Variants in PLXNC1 observed in about 807,000 individuals in gnomAD.
PLXNC1 encodes plexin C1, also known as plexin-C1.
Under a neutral mutation model 178.2 loss-of-function variants are expected in PLXNC1, and 75 were observed. The ratio of observed to expected loss-of-function variants is 0.42; its 90% CI spans 0.35 to 0.51. The LOEUF (loss-of-function observed/expected upper bound fraction) is 0.51, where lower values mean the gene tolerates loss of function less well. Ranked by LOEUF, PLXNC1 falls within the 20% of genes least tolerant of loss-of-function variation. PLXNC1 has a pLI of 0.02. For missense variants in PLXNC1, 1,503 were observed against 1,984.4 expected, an observed-to-expected ratio of 0.76 and a Z score of 4.61; for synonymous variants, 790 against 779.9, an observed-to-expected ratio of 1.01 and a Z score of -0.22.
chr12:94,178,868 A>G (rs750646200), intron 2 of PLXNC1, among the ~76,000 whole-genome samples: 11 of 151,892 alleles, frequency 7.2e-5, no homozygotes, highest in Non-Finnish European at 1.2e-4. Context: ...CACCTTTCCC[A>G]CCTCCCTTAG....
Position 94,288,464 on chromosome 12 carries a change from G to A in PLXNC1, c.3880-6022G>A, listed in dbSNP as rs185223900. ...TCAGGGCTATCACTAATAGGCCGCAGAAGGAGCTGGCTAGTGGCCTGGAGG... is the reference window on the plus strand; with the variant it reads ...TCAGGGCTATCACTAATAGGCCGCAAAAGGAGCTGGCTAGTGGCCTGGAGG... On this transcript the variant is annotated intron_variant, in intron 23 of 30. Coordinates refer to ENST00000258526, the MANE Select transcript of PLXNC1 (RefSeq NM_005761.3). Among the ~76,000 whole-genome samples, 426 of 152,298 alleles carry A rather than the reference G, an allele frequency of 2.8e-3. 3 individuals are homozygous for A. The highest frequency in any genetic ancestry group is 9.8e-3 in the African/African-American group (407 of 41,542).
intron 27 of PLXNC1, among the ~76,000 whole-genome samples, chr12:94,300,623 T>C (rs979517687): frequency 1.3e-5 from 2 of 152,154 alleles, no homozygotes; most frequent in Non-Finnish European, 2.9e-5. Flanking sequence ...AGATGGGAAA[T>C]AATCCAGGTG....
chr12:94,159,798 G>A (rs963486131), intron 1 of PLXNC1, among the ~76,000 whole-genome samples: 2 of 152,192 alleles, frequency 1.3e-5, no homozygotes, highest in South Asian at 2.1e-4. Flanking sequence ...CCTGCAGGAG[G>A]CTCTTGCAGT....
chr12:94,303,144 C>T (rs1033595927), intron 28 of PLXNC1, among the ~76,000 whole-genome samples: 12 of 152,080 alleles, frequency 7.9e-5, no homozygotes, highest in East Asian at 5.8e-4. Context: ...GTTATAATTA[C>T]GTAGAATCAT....
intron 1 of PLXNC1, among the ~76,000 whole-genome samples, chr12:94,165,470 C>T (rs537706827): frequency 4.6e-5 from 7 of 152,270 alleles, no homozygotes; most frequent in East Asian, 1.9e-4. Context: ...CTTCCAGGCT[C>T]GCTGTTGTAA....
intron 4 of PLXNC1, among the ~76,000 whole-genome samples, chr12:94,186,927 C>T (rs1592745540): frequency 6.6e-6 from 1 of 152,230 alleles, no homozygotes; most frequent in Admixed American, 6.5e-5. Context: ...CCTAATGCGC[C>T]GCGCAGCTGT....
At chr12:94,153,756 A>G (rs1417689047) in intron 1 of PLXNC1, among the ~76,000 whole-genome samples, 1 of 152,210 alleles carries the variant, frequency 6.6e-6, no homozygotes, top group Non-Finnish European at 1.5e-5. Flanking sequence ...AGGGGGACAT[A>G]CCGCCTTCTT....
chr12:94,241,313 T>C (rs114572015), intron 11 of PLXNC1, among the ~76,000 whole-genome samples: 2 of 152,220 alleles, frequency 1.3e-5, no homozygotes, highest in East Asian at 3.8e-4. Context: ...ATCAGGGTAA[T>C]TGGAGTATCC....
chr12:94,156,868 A>T (rs1289228048), intron 1 of PLXNC1, among the ~76,000 whole-genome samples: 1 of 151,830 alleles, frequency 6.6e-6, no homozygotes, highest in East Asian at 1.9e-4. Context: ...CCACCATGCC[A>T]GGCTGATTTT....
rs1565780752 is a variant in PLXNC1 at position 94,149,269 on chromosome 12, C to T, written c.298C>T (p.Arg100Trp). The T allele has an allele frequency of 2.0e-6, 3 of 1,528,986 alleles. No individual in the cohort carries two copies. Among genetic ancestry groups the T allele is most frequent in the Non-Finnish European group, 2.6e-6 (3 of 1,147,216 alleles). The allele number at this position is 1,528,986 out of a possible 1,614,324, so 94.7% of individuals were successfully genotyped here. Residue 100 changes from arginine to tryptophan, a missense_variant, in exon 1 of 31, where the codon CGG becomes TGG. By Grantham distance (101) the Arg-to-Trp change is moderately radical. Around this residue, in one of 4 missense-constraint regions of PLXNC1, gnomAD observed 176 missense variants for 180.7 expected, o/e 0.97. Transcript: ENST00000258526. ...PVSLAPPARP[R>W]PGSSFSKLLL... is the part of the protein sequence containing the mutation. ...CTCGCTGGCGCCCCCCGCGCGGCCC[C>T]GGCCCGGGAGCAGCTTCAGCAAGCT...
intron 28 of PLXNC1, 35 bp downstream of exon 28, chr12:94,301,092 C>G: frequency 6.3e-7 from 1 of 1,597,100 alleles, no homozygotes; most frequent in Non-Finnish European, 8.6e-7. Context: ...TGTATGCAGT[C>G]TTATGAGTTT....
intron 7 of PLXNC1, among the ~76,000 whole-genome samples, chr12:94,224,833 G>A (rs1434435347): frequency 3.9e-5 from 6 of 152,176 alleles, no homozygotes; most frequent in Admixed American, 2.6e-4. Flanking sequence ...CCTGAGCCTA[G>A]GAGATGGAGG....
intron 4 of PLXNC1, among the ~76,000 whole-genome samples, chr12:94,191,122 A>G (rs1962704808): frequency 1.3e-5 from 2 of 152,248 alleles, no homozygotes; most frequent in South Asian, 4.1e-4. Context: ...TAGCAGGTTA[A>G]GACTTGTGCC....
chr12:94,263,146 C>T (rs2136084443), intron 20 of PLXNC1, among the ~76,000 whole-genome samples: 1 of 152,306 alleles, frequency 6.6e-6, no homozygotes, highest in East Asian at 1.9e-4. Context: ...AGAGAAACCT[C>T]ATGGCCCTGT....
intron 4 of PLXNC1, among the ~76,000 whole-genome samples, chr12:94,195,740 A>C (rs1001995300): frequency 1.3e-5 from 2 of 152,220 alleles, no homozygotes. Flanking sequence ...TGTTCCACGC[A>C]TGAGATCGTG....
intron 1 of PLXNC1, 25 bp downstream of exon 1, chr12:94,150,058 C>A (rs757101815): frequency 1.3e-6 from 2 of 1,527,892 alleles, no homozygotes; most frequent in Non-Finnish European, 1.8e-6. Flanking sequence ...CGGGGCGCCG[C>A]GGAGAGCGCT....
rs1455971840 is a variant in PLXNC1 at position 94,227,279 on chromosome 12, G to A, written c.1980+44G>A. 8 of 1,149,108 alleles carry A rather than the reference G, an allele frequency of 7.0e-6. 1 individual carries two copies. In the South Asian group the frequency reaches 8.6e-5, roughly 12 times the overall value. 71.2% of individuals were successfully genotyped at this position (1,149,108 alleles called of 1,614,324 possible). Reference sequence around the variant, plus strand: ...GTGGTTGAGGGGAAAACCTGTCTTTGAATGACCATGACCACAACTCATACT... The same window carrying A: ...GTGGTTGAGGGGAAAACCTGTCTTTAAATGACCATGACCACAACTCATACT... On this transcript the variant is annotated intron_variant, in intron 9 of 30. Coordinates refer to ENST00000258526, the MANE Select transcript of PLXNC1 (RefSeq NM_005761.3).
intron 5 of PLXNC1, among the ~76,000 whole-genome samples, chr12:94,215,283 G>A (rs940505628): frequency 6.6e-6 from 1 of 152,052 alleles, no homozygotes; most frequent in Non-Finnish European, 1.5e-5. Flanking sequence ...AATACACCAA[G>A]TATTTTCTTA....
intron 6 of PLXNC1, among the ~76,000 whole-genome samples, chr12:94,220,768 G>C (rs1281447445): frequency 6.6e-6 from 1 of 152,248 alleles, no homozygotes; most frequent in Non-Finnish European, 1.5e-5. Flanking sequence ...GGAGGGGGAA[G>C]GGGTAAGGAA....
Sources: allele counts gnomAD v4.1 joint callset (sites outside exome capture counted in the v4.1 genomes callset), GRCh38; gene constraint gnomAD v4.1.1; regional missense constraint gnomAD v4.1.1; transcripts MANE v1.5; gene names NCBI Gene and HGNC (gene_info 2026-07-23, HGNC 2026-07-21).